SATB2: variants seen among roughly 807,000 people sequenced by gnomAD.
SATB2 encodes the protein DNA-binding protein SATB2.
A neutral mutation model predicts 73.4 loss-of-function variants in SATB2; 1 was observed. The ratio of observed to expected loss-of-function variants is 0.01; its 90% CI spans 0.00 to 0.06. The LOEUF is 0.06. Among genes scored for constraint, SATB2 ranks in the 10% least tolerant of loss-of-function variants. SATB2 has a pLI of 1.00. For missense variants in SATB2, 459 were observed against 945.8 expected (o/e 0.49, Z 6.75); for synonymous variants, 397 against 367.0 (o/e 1.08, Z -0.93).
chr2:199,333,923 T>G (rs1489713285), intron 7 of SATB2, among the ~76,000 whole-genome samples: 4 of 152,158 alleles, frequency 2.6e-5, no homozygotes, highest in Admixed American at 2.6e-4. Flanking sequence ...TACTTCCCTT[T>G]GGAAAAAGCC....
At chr2:199,380,181 C>T (rs951648412) in intron 5 of SATB2, among the ~76,000 whole-genome samples, 183 bp downstream of exon 5, 6 of 152,110 alleles carry the variant, frequency 3.9e-5, no homozygotes, top group Non-Finnish European at 5.9e-5. Flanking sequence ...ACCCCATGCC[C>T]GGTTAATAAG....
chr2:199,286,979 G>A (rs527483141), intron 10 of SATB2, among the ~76,000 whole-genome samples: 3 of 152,268 alleles, frequency 2.0e-5, no homozygotes, highest in African/African-American at 7.2e-5. Flanking sequence ...GAAAGGTTAG[G>A]ATGACTTGGT....
Position 199,368,526 on chromosome 2 carries a change from A to T in SATB2, c.700+79T>A, listed in dbSNP as rs1689354295. 6.0e-6 allele frequency: 5 copies of T among 828,024 alleles called. No homozygotes were observed. In the Admixed American group the frequency reaches 9.0e-5, roughly 15 times the overall value. The allele number at this position is 828,024 out of a possible 1,614,324, so 51.3% of individuals were successfully genotyped here. A position where few individuals can be genotyped will look rare whatever the true frequency, so the allele number is the denominator to read the frequency against. Reference sequence around the variant, plus strand: ...AATTACGTAAATTGTATCTAAAATGAGCATAAATTCCAAACAACCAACAAC... The same window carrying T: ...AATTACGTAAATTGTATCTAAAATGTGCATAAATTCCAAACAACCAACAAC... On this transcript the variant is annotated intron_variant, in intron 6 of 10. Coordinates refer to ENST00000417098, the MANE Select transcript of SATB2 (RefSeq NM_001172509.2).
At chr2:199,314,277 T>C (rs534970537) in intron 9 of SATB2, among the ~76,000 whole-genome samples, 76 of 152,280 alleles carry the variant, frequency 5.0e-4, no homozygotes, top group African/African-American at 1.8e-3. Context: ...AGTCATTAGA[T>C]TGAACCAAAA....
chr2:199,455,490 T>G lies in SATB2; in HGVS notation c.169+379A>C, dbSNP rs1692245486. ...CTCGCCTGAGCATTAATGACTATTT[T>G]ATTCCCTAAAAGCGAACGCACGTGA... On this transcript the variant is annotated intron_variant, in intron 2 of 10. Coordinates refer to ENST00000417098, the MANE Select transcript of SATB2 (RefSeq NM_001172509.2). The surrounding 1 kb of genome is among the most constrained non-coding windows in gnomAD (Gnocchi z 4.1). Among the ~76,000 whole-genome samples the G allele has an allele frequency of 2.0e-5, 3 of 152,226 alleles. No homozygotes were observed. Among genetic ancestry groups the G allele is most frequent in the Admixed American group, 2.0e-4 (3 of 15,290 alleles).
chr2:199,412,754 CA>C lies in SATB2; in HGVS notation c.346+20583del, dbSNP rs1199793104. 3.0e-4 allele frequency among the ~76,000 whole-genome samples: 45 copies of C among 151,232 alleles called. No homozygotes were observed. The South Asian group carries it at 9.0e-3, about 30-fold the overall frequency. On this transcript the variant is annotated intron_variant, in intron 3 of 10. Transcript: ENST00000417098. ...AAACAAAAAACAAAAAACAAACAAACAAAAAAACCTCCCTAATGGGGACAAG... is the reference window on the plus strand; with the variant it reads ...AAACAAAAAACAAAAAACAAACAAACAAAAAACCTCCCTAATGGGGACAAG...
intron 9 of SATB2, among the ~76,000 whole-genome samples, chr2:199,314,278 T>G (rs1687670896): frequency 6.6e-6 from 1 of 152,184 alleles, no homozygotes; most frequent in East Asian, 1.9e-4. Context: ...GTCATTAGAT[T>G]GAACCAAAAT....
chr2:199,398,622 T>A (rs567308614), intron 3 of SATB2, among the ~76,000 whole-genome samples: 1 of 152,328 alleles, frequency 6.6e-6, no homozygotes, highest in South Asian at 2.1e-4. Flanking sequence ...AACAAGATGA[T>A]GATGGCCTCC....
intron 3 of SATB2, among the ~76,000 whole-genome samples, chr2:199,422,971 G>A (rs1238594792): frequency 6.6e-6 from 1 of 152,078 alleles, no homozygotes; most frequent in Non-Finnish European, 1.5e-5. Flanking sequence ...GTCCATGTAA[G>A]TAAATTTTTC....
At chr2:199,425,632 T>C (rs1403993272) in intron 3 of SATB2, among the ~76,000 whole-genome samples, 3 of 152,170 alleles carry the variant, frequency 2.0e-5, no homozygotes, top group Non-Finnish European at 4.4e-5. Flanking sequence ...CTTCACCCTC[T>C]ACAAATTAAC....
intron 3 of SATB2, among the ~76,000 whole-genome samples, chr2:199,401,559 A>G (rs1690479008): frequency 6.6e-6 from 1 of 152,076 alleles, no homozygotes; most frequent in Non-Finnish European, 1.5e-5. Flanking sequence ...AACAAAAAGA[A>G]AGAAAGAAAA....
chr2:199,398,354 A>T (rs1690366361), intron 3 of SATB2, among the ~76,000 whole-genome samples: 1 of 152,164 alleles, frequency 6.6e-6, no homozygotes, highest in African/African-American at 2.4e-5. Context: ...CCCCCAAAAT[A>T]TGCTCTTTCT....
At chr2:199,276,592 A>ACT (rs1692319846) in intron 10 of SATB2, among the ~76,000 whole-genome samples, 1 of 152,178 alleles carries the variant, frequency 6.6e-6, no homozygotes, top group East Asian at 1.9e-4. Context: ...CAATTACTCC[A>ACT]ACTAAGAGAA....
At chr2:199,374,754 A>G (rs1184012044) in intron 5 of SATB2, among the ~76,000 whole-genome samples, 1 of 152,148 alleles carries the variant, frequency 6.6e-6, no homozygotes, top group African/African-American at 2.4e-5. Flanking sequence ...ACTTGGGGTC[A>G]GGAGTTCAAG....
intron 7 of SATB2, among the ~76,000 whole-genome samples, chr2:199,340,569 T>TAA (rs1688474649): frequency 6.6e-6 from 1 of 152,172 alleles, no homozygotes; most frequent in Non-Finnish European, 1.5e-5. Context: ...GAAACTTTCT[T>TAA]AATTATGGCA....
intron 10 of SATB2, among the ~76,000 whole-genome samples, chr2:199,306,745 C>G (rs2105765606): frequency 6.6e-6 from 1 of 152,126 alleles, no homozygotes. Context: ...TTTTAGCTAC[C>G]TAAATACAGG....
chr2:199,364,178 A>G (rs1689220509), intron 6 of SATB2, among the ~76,000 whole-genome samples: 1 of 152,228 alleles, frequency 6.6e-6, no homozygotes, highest in Admixed American at 6.5e-5. Flanking sequence ...GAGGTGCTTT[A>G]AATGTGGTAA....
chr2:199,316,772 T>C (rs1687746865), intron 9 of SATB2, among the ~76,000 whole-genome samples: 1 of 152,066 alleles, frequency 6.6e-6, no homozygotes, highest in Non-Finnish European at 1.5e-5. Flanking sequence ...CCTTTACACA[T>C]ATAAATACGT....
intron 3 of SATB2, among the ~76,000 whole-genome samples, chr2:199,391,819 G>T (rs1005960674): frequency 6.6e-6 from 1 of 152,072 alleles, no homozygotes; most frequent in African/African-American, 2.4e-5. Flanking sequence ...AAAATATTCA[G>T]CAATGTCAGA....
Sources: allele counts gnomAD v4.1 joint callset (sites outside exome capture counted in the v4.1 genomes callset), GRCh38; gene constraint gnomAD v4.1.1; non-coding constraint Gnocchi (gnomAD v3.1); transcripts MANE v1.5; gene names NCBI Gene and HGNC (gene_info 2026-07-23, HGNC 2026-07-21).